Variants in PEF1 observed in about 807,000 individuals in gnomAD.
PEF1 encodes penta-EF-hand domain containing 1.
Under a neutral mutation model 32.0 loss-of-function variants are expected in PEF1, and 17 were observed. The ratio of observed to expected loss-of-function variants is 0.53; its 90% CI spans 0.36 to 0.80. The LOEUF is 0.80. Ranked by LOEUF, PEF1 falls within the 30% of genes least tolerant of loss-of-function variation. The probability of loss-of-function intolerance (pLI) is 0.00; values close to 1 mark genes in which losing one functional copy is unlikely to be tolerated. For synonymous variants in PEF1, 130 were observed against 139.8 expected (o/e 0.93, Z 0.50); for missense variants, 362 against 369.1 (o/e 0.98, Z 0.16).
chr1:31,633,024 C>T, intron 3 of PEF1, 135 bp downstream of exon 3: 1 of 1,091,850 alleles, frequency 9.2e-7, no homozygotes, highest in South Asian at 1.7e-5. Flanking sequence ...TCACCCTGAA[C>T]CTAGCTTCCT....
intron 1 of PEF1, among the ~76,000 whole-genome samples, chr1:31,639,877 T>C (rs1640352441): frequency 6.6e-6 from 1 of 152,214 alleles, no homozygotes; most frequent in Non-Finnish European, 1.5e-5. Flanking sequence ...GGGAAGAAGA[T>C]GAGGTGGTCC....
chr1:31,632,035 G>T (rs1410195847), intron 4 of PEF1, among the ~76,000 whole-genome samples: 3 of 152,216 alleles, frequency 2.0e-5, no homozygotes, highest in Admixed American at 1.3e-4. Flanking sequence ...TTCCCCAACT[G>T]CAACTTTTAG....
chr1:31,644,462 C>T (rs954457945), intron 1 of PEF1: 4 of 1,150,490 alleles, frequency 3.5e-6, no homozygotes, highest in Non-Finnish European at 4.3e-6. Flanking sequence ...TTTTATCCGA[C>T]GCCCCAAATG....
At chr1:31,638,270 G>C (rs1384069675) in intron 1 of PEF1, among the ~76,000 whole-genome samples, 2 of 152,130 alleles carry the variant, frequency 1.3e-5, no homozygotes, top group Non-Finnish European at 2.9e-5. Context: ...TTTTACAGAT[G>C]GGGGAGGGAG....
At chr1:31,637,446 A>G (rs759300064) in intron 1 of PEF1, among the ~76,000 whole-genome samples, 3 of 152,126 alleles carry the variant, frequency 2.0e-5, no homozygotes, top group Non-Finnish European at 4.4e-5. Flanking sequence ...TCCTTTGATA[A>G]CCAACCTGGG....
intron 2 of PEF1, among the ~76,000 whole-genome samples, chr1:31,634,178 A>G (rs1039006958): frequency 1.3e-5 from 2 of 152,170 alleles, no homozygotes; most frequent in African/African-American, 4.8e-5. Flanking sequence ...CCTTGGAAAA[A>G]TCCGGGCAGG....
chr1:31,642,539 G>C (rs1640423052), intron 1 of PEF1, among the ~76,000 whole-genome samples: 1 of 152,228 alleles, frequency 6.6e-6, no homozygotes, highest in Non-Finnish European at 1.5e-5. Context: ...TATGTAGTGG[G>C]TGGAGGGGAG....
chr1:31,644,244 G>C, intron 1 of PEF1: 1 of 328,528 alleles, frequency 3.0e-6, no homozygotes, highest in Non-Finnish European at 4.4e-6. Context: ...GGCATCTGAA[G>C]ATAGCCCGGG....
chr1:31,630,770 G>A lies in PEF1; in HGVS notation c.698C>T (p.Ser233Phe), dbSNP rs1287186849. ...QLLVSRYCPR[S>F]ANPAMQLDRF... ...GTCAAGCTGCATGGCAGGATTGGCA[G>A]AGCGTGGGCAGTAGCGGGAGACCAG... is the stretch of plus-strand genomic sequence containing the variant. Residue 233 changes from serine to phenylalanine, a missense_variant, in exon 5 of 5, where the codon TCT becomes TTT. By Grantham distance (155) the Ser-to-Phe change is radical. Transcript: ENST00000373703. The A allele has an allele frequency of 6.2e-7, 1 of 1,614,064 alleles. No individual in the cohort carries two copies. Among genetic ancestry groups the A allele is most frequent in the East Asian group, 2.2e-5 (1 of 44,892 alleles).
rs1356394145 is a variant in PEF1, at chr1:31,635,494, G to A, written c.53C>T (p.Pro18Leu). The A allele has an allele frequency of 6.6e-7, 1 of 1,521,714 alleles. No individual in the cohort carries two copies. The allele number at this position is 1,521,714 out of a possible 1,614,324, so 94.3% of individuals were successfully genotyped here. Residue 18 changes from proline to leucine, a missense_variant, in exon 2 of 5, where the codon CCA becomes CTA. Physicochemically the swap from Pro to Leu is moderately conservative, Grantham distance 98 (BLOSUM62 -3). Coordinates refer to ENST00000373703, the MANE Select transcript of PEF1 (RefSeq NM_012392.4). The part of the protein sequence containing the change: ...QGCPGAAGQA[P>L]GAPPGSYYPG... ...GTAGTAGCTACCCGGAGGGGCTCCT[G>A]GTGCTTGTCCTGCAGCTCCTGGGCA... is the stretch of plus-strand genomic sequence containing the variant.
intron 1 of PEF1, among the ~76,000 whole-genome samples, chr1:31,641,317 CT>C (rs1640385690): frequency 6.6e-6 from 1 of 152,262 alleles, no homozygotes; most frequent in African/African-American, 2.4e-5. Flanking sequence ...CCTAGATTAC[CT>C]CAATAGCGTC....
Position 31,630,395 on chromosome 1 carries a change from C to G in PEF1, c.*218G>C. 9 of 576,266 alleles carry G rather than the reference C, an allele frequency of 1.6e-5. No homozygotes were observed. The highest frequency in any genetic ancestry group is 2.5e-5 in the Non-Finnish European group (8 of 324,146). The allele number at this position is 576,266 out of a possible 1,614,324, so 35.7% of individuals were successfully genotyped here. A position where few individuals can be genotyped will look rare whatever the true frequency, so the allele number is the denominator to read the frequency against. Reference sequence around the variant, plus strand: ...TCAGGACATTCAACTTCTATCCTCTCCTCCATCAGGCCCCTATCTGTGTGG... The same window carrying G: ...TCAGGACATTCAACTTCTATCCTCTGCTCCATCAGGCCCCTATCTGTGTGG... On this transcript the variant is annotated 3_prime_UTR_variant, in exon 5 of 5. Coordinates refer to ENST00000373703, the MANE Select transcript of PEF1 (RefSeq NM_012392.4).
At chr1:31,632,269 G>A (rs1640126270) in intron 4 of PEF1, 1 of 756,748 alleles carries the variant, frequency 1.3e-6, no homozygotes, top group Non-Finnish European at 2.3e-6. Flanking sequence ...AGCACTCCAG[G>A]GTCCAGCCCT....
At position 31,635,452 on chromosome 1, in the gene PEF1, C is replaced by A; in HGVS notation, c.95G>T (p.Ser32Ile). ...TAGCCCACTACCATACTGCCCTCCA[C>A]TATTGGGGGGTCCAGGGTAGTAGCT... ...PGSYYPGPPNSGGQYGSGLPP... is the reference protein window; with the variant it reads ...PGSYYPGPPNIGGQYGSGLPP... Residue 32 changes from serine (S) to isoleucine (I), a missense_variant, in exon 2 of 5, where the codon AGT (serine) becomes ATT (isoleucine). Physicochemically the swap from Ser to Ile is moderately radical, Grantham distance 142 (BLOSUM62 -2). Coordinates refer to ENST00000373703, the MANE Select transcript of PEF1 (RefSeq NM_012392.4). The A allele has an allele frequency of 6.3e-7, 1 of 1,598,108 alleles. No homozygotes were observed. Among genetic ancestry groups the A allele is most frequent in the Non-Finnish European group, 8.5e-7 (1 of 1,170,338 alleles).
intron 2 of PEF1, 113 bp from the exon 3 acceptor site, chr1:31,633,427 T>C: frequency 1.7e-6 from 2 of 1,169,042 alleles, no homozygotes; most frequent in Middle Eastern, 3.0e-4. Flanking sequence ...TCACCTTCCC[T>C]GTCTTCCATC....
chr1:31,630,943 G>T, intron 4 of PEF1, 101 bp from the exon 5 acceptor site: 1 of 987,896 alleles, frequency 1.0e-6, no homozygotes, highest in Non-Finnish European at 1.5e-6. Flanking sequence ...AACTTCGAGA[G>T]GATGGGCACA....
chr1:31,635,371 G>GCT lies in PEF1; in HGVS notation c.174_175dup (p.Ala59GlufsTer79). ...GGGGTGTCCATAGGGCCCTCCACCA[G>GCT]CTGGTGGTCCATAAGGCCCTCCAGG... is the stretch of plus-strand genomic sequence containing the variant. On this transcript the variant is annotated frameshift_variant, in exon 2 of 5. Transcript: ENST00000373703. LOFTEE classifies it high-confidence loss of function. 1 of 1,613,776 alleles carries GCT rather than the reference G, an allele frequency of 6.2e-7. No individual in the cohort carries two copies. Among genetic ancestry groups the GCT allele is most frequent in the African/African-American group, 1.3e-5 (1 of 75,026 alleles).
chr1:31,632,424 G>C, intron 4 of PEF1, 71 bp downstream of exon 4: 1 of 1,608,974 alleles, frequency 6.2e-7, no homozygotes, highest in African/African-American at 1.3e-5. Context: ...AAACCCCTTT[G>C]TTGTATCTTA....
At chr1:31,640,166 TG>T (rs1362360999) in intron 1 of PEF1, among the ~76,000 whole-genome samples, 7 of 152,258 alleles carry the variant, frequency 4.6e-5, no homozygotes, top group Middle Eastern at 3.4e-3. Context: ...TCTGATGCCC[TG>T]GGGGGACTGG....
Sources: allele counts gnomAD v4.1 joint callset (sites outside exome capture counted in the v4.1 genomes callset), GRCh38; gene constraint gnomAD v4.1.1; transcripts MANE v1.5; gene names NCBI Gene and HGNC (gene_info 2026-07-23, HGNC 2026-07-21).